LPGAT1: variants seen among roughly 807,000 people sequenced by gnomAD.
LPGAT1 encodes the protein acyl-CoA:lysophosphatidylglycerol acyltransferase 1.
In LPGAT1, 11 loss-of-function variants were observed where a neutral mutation model predicts 47.5. That is an observed-to-expected ratio of 0.23 (90% CI 0.15 to 0.38). The LOEUF (loss-of-function observed/expected upper bound fraction) is 0.38, where lower values mean the gene tolerates loss of function less well. Ranked by LOEUF, LPGAT1 falls within the 10% of genes least tolerant of loss-of-function variation. The probability of loss-of-function intolerance (pLI) is 1.00; values close to 1 mark genes in which losing one functional copy is unlikely to be tolerated. For synonymous variants in LPGAT1, 138 were observed against 144.2 expected (o/e 0.96, Z 0.31); for missense variants, 293 against 439.0 (o/e 0.67, Z 2.97).
rs980972961 is a variant in LPGAT1 at position 211,747,661 on chromosome 1, T to A, written c.*2238A>T. ...ATGCTGTATTTGACAGTGAGCAACT[T>A]CTCCCCCAGATGGTTGACTAATCCC... On this transcript the variant is annotated 3_prime_UTR_variant, in exon 8 of 8. Coordinates refer to ENST00000366997, the MANE Select transcript of LPGAT1 (RefSeq NM_014873.3). 1 of 152,190 alleles carries A rather than the reference T, an allele frequency of 6.6e-6. No homozygotes were observed. Among genetic ancestry groups the A allele is most frequent in the African/African-American group, 2.4e-5 (1 of 41,424 alleles). 9.4% of individuals were successfully genotyped at this position (152,190 alleles called of 1,614,324 possible).
chr1:211,797,261 A>C (rs183496229), intron 2 of LPGAT1, among the ~76,000 whole-genome samples: 14 of 152,084 alleles, frequency 9.2e-5, no homozygotes, highest in Middle Eastern at 3.4e-3. Context: ...GTCTCAAAAA[A>C]ACAAAACAAA....
At chr1:211,791,669 C>G (rs184926608) in intron 3 of LPGAT1, among the ~76,000 whole-genome samples, 2 of 151,518 alleles carry the variant, frequency 1.3e-5, no homozygotes, top group Non-Finnish European at 2.9e-5. Flanking sequence ...ATTGCTTGAA[C>G]CCAGGAGGCA....
Position 211,830,516 on chromosome 1 carries a change from C to T in LPGAT1, c.-28+57G>A, listed in dbSNP as rs1571779962. 3.3e-6 allele frequency: 4 copies of T among 1,200,982 alleles called. No homozygotes were observed. Among genetic ancestry groups the T allele is most frequent in the Non-Finnish European group, 4.1e-6 (4 of 967,740 alleles). The allele number at this position is 1,200,982 out of a possible 1,614,324, so 74.4% of individuals were successfully genotyped here. ...ACCCCCTTCCCCGCCCCCAGCGCCTCCCCTGGCCCGGCTCCGCTGCCGCTC... is the reference window on the plus strand; with the variant it reads ...ACCCCCTTCCCCGCCCCCAGCGCCTTCCCTGGCCCGGCTCCGCTGCCGCTC... On this transcript the variant is annotated intron_variant, in intron 1 of 7. Transcript: ENST00000366997. The surrounding 1 kb of genome is among the most constrained non-coding windows in gnomAD (Gnocchi z 5.9).
At chr1:211,796,036 T>C (rs1659337250) in intron 2 of LPGAT1, among the ~76,000 whole-genome samples, 1 of 152,034 alleles carries the variant, frequency 6.6e-6, no homozygotes, top group Non-Finnish European at 1.5e-5. Flanking sequence ...TAACGCAATC[T>C]GTGCTACATG....
chr1:211,830,172 G>T lies in LPGAT1; in HGVS notation c.-28+401C>A. On this transcript the variant is annotated intron_variant, in intron 1 of 7. Transcript: ENST00000366997. The surrounding 1 kb of genome is among the most constrained non-coding windows in gnomAD (Gnocchi z 5.9). ...TCGTGGCGGCGGGCGCGGCCCGCGCGCCGGGCTCACCTCGGCGGGCGCGGA... is the reference window on the plus strand; with the variant it reads ...TCGTGGCGGCGGGCGCGGCCCGCGCTCCGGGCTCACCTCGGCGGGCGCGGA... 1.0e-6 allele frequency: 1 copy of T among 982,916 alleles called. No individual in the cohort carries two copies. Among genetic ancestry groups the T allele is most frequent in the Non-Finnish European group, 1.2e-6 (1 of 829,100 alleles). The allele number at this position is 982,916 out of a possible 1,614,324, so 60.9% of individuals were successfully genotyped here. A position where few individuals can be genotyped will look rare whatever the true frequency, so the allele number is the denominator to read the frequency against.
chr1:211,756,644 G>GA (rs1657467435), intron 6 of LPGAT1, among the ~76,000 whole-genome samples: 1 of 152,168 alleles, frequency 6.6e-6, no homozygotes, highest in East Asian at 1.9e-4. Flanking sequence ...TTTAAAAAAA[G>GA]AAAAAATATT....
intron 6 of LPGAT1, among the ~76,000 whole-genome samples, chr1:211,776,203 T>C (rs1274627992): frequency 6.6e-6 from 1 of 152,168 alleles, no homozygotes; most frequent in Non-Finnish European, 1.5e-5. Context: ...CTGAGCAGGA[T>C]GGATTAACTA....
intron 3 of LPGAT1, among the ~76,000 whole-genome samples, chr1:211,789,862 T>C (rs866676255): frequency 0.011 from 788 of 74,202 alleles, 12 homozygotes; most frequent in African/African-American, 0.042. Context: ...AAAGCAAGAC[T>C]CTGTCTCAAA....
chr1:211,800,479 T>C (rs998406706), intron 2 of LPGAT1, among the ~76,000 whole-genome samples: 3 of 152,176 alleles, frequency 2.0e-5, no homozygotes, highest in Admixed American at 6.5e-5. Context: ...GAAACACCAC[T>C]GTCAAGCATG....
chr1:211,805,016 G>C (rs1006429079), intron 2 of LPGAT1, among the ~76,000 whole-genome samples: 1 of 151,828 alleles, frequency 6.6e-6, no homozygotes, highest in African/African-American at 2.4e-5. Flanking sequence ...CTTAAAATTG[G>C]GGGGATGTAA....
At chr1:211,775,699 T>C (rs1658365591) in intron 6 of LPGAT1, among the ~76,000 whole-genome samples, 1 of 151,994 alleles carries the variant, frequency 6.6e-6, no homozygotes, top group African/African-American at 2.4e-5. Flanking sequence ...GAGGCCGAAG[T>C]GGGTGGATCA....
chr1:211,791,042 T>C (rs1431017011), intron 3 of LPGAT1, among the ~76,000 whole-genome samples: 1 of 152,168 alleles, frequency 6.6e-6, no homozygotes, highest in Non-Finnish European at 1.5e-5. Flanking sequence ...CAATAAATAT[T>C]ATTATAAATG....
chr1:211,787,026 T>TGGG (rs199640303), intron 4 of LPGAT1, among the ~76,000 whole-genome samples: 1 of 152,100 alleles, frequency 6.6e-6, no homozygotes, highest in Admixed American at 6.6e-5. Context: ...TTTGCCCAAT[T>TGGG]CACATAGCTA....
chr1:211,755,917 A>T (rs1249571221), intron 6 of LPGAT1, among the ~76,000 whole-genome samples: 1 of 152,178 alleles, frequency 6.6e-6, no homozygotes, highest in African/African-American at 2.4e-5. Flanking sequence ...GGAGATCCTA[A>T]GGTCCAGAAA....
intron 5 of LPGAT1, among the ~76,000 whole-genome samples, chr1:211,779,950 G>C (rs1017764406): frequency 6.6e-6 from 1 of 152,124 alleles, no homozygotes; most frequent in Non-Finnish European, 1.5e-5. Context: ...GGCTGAGGCG[G>C]GCAGATCACC....
At chr1:211,795,866 T>C (rs1320830543) in intron 2 of LPGAT1, among the ~76,000 whole-genome samples, 2 of 152,096 alleles carry the variant, frequency 1.3e-5, no homozygotes, top group African/African-American at 4.8e-5. Flanking sequence ...GGATATAAAA[T>C]AAGTAAGAAC....
At position 211,830,219 on chromosome 1, in the gene LPGAT1, G is replaced by T; in HGVS notation, c.-28+354C>A. On this transcript the variant is annotated intron_variant, in intron 1 of 7. Transcript: ENST00000366997. This position sits in a 1 kb window ranked among gnomAD's most constrained non-coding sequence, Gnocchi z 5.9. Reference sequence around the variant, plus strand: ...CGGACGGCGGGCGGCTGCGGAGAGCGGGGGCGGGTGTCCCCCGCCGAGGGG... The same window carrying T: ...CGGACGGCGGGCGGCTGCGGAGAGCTGGGGCGGGTGTCCCCCGCCGAGGGG... 1.0e-6 allele frequency: 1 copy of T among 983,598 alleles called. No individual in the cohort carries two copies. Among genetic ancestry groups the T allele is most frequent in the Non-Finnish European group, 1.2e-6 (1 of 829,422 alleles). 60.9% of individuals were successfully genotyped at this position (983,598 alleles called of 1,614,324 possible).
chr1:211,764,865 AGCACCTAGGCCACT>A (rs1263650584), intron 6 of LPGAT1, among the ~76,000 whole-genome samples: 4 of 151,986 alleles, frequency 2.6e-5, no homozygotes, highest in Non-Finnish European at 5.9e-5. Context: ...GCAAATACTT[AGCACCTAGGCCACT>A]GCTTCCCCTT....
At chr1:211,753,319 G>C (rs181587538) in intron 6 of LPGAT1, among the ~76,000 whole-genome samples, 2 of 152,112 alleles carry the variant, frequency 1.3e-5, no homozygotes, top group Non-Finnish European at 2.9e-5. Context: ...CTCGAACTTG[G>C]TTGATAGTTT....
Sources: gnomAD v4.1 joint callset for allele counts (sites outside exome capture counted in the v4.1 genomes callset) on GRCh38, gnomAD v4.1.1 for gene constraint, Gnocchi (gnomAD v3.1) non-coding constraint, MANE v1.5 for transcripts, NCBI Gene and HGNC (gene_info 2026-07-23, HGNC 2026-07-21) for gene names.